The following ADAM9 variants were observed in gnomAD, a reference collection of about 807,000 sequenced individuals.
The protein encoded by ADAM9 is ADAM metallopeptidase domain 9, also known as disintegrin and metalloproteinase domain-containing protein 9.
ADAM9 carries 54 observed loss-of-function variants against 108.1 expected under a neutral mutation model. The ratio of observed to expected loss-of-function variants is 0.50; its 90% CI spans 0.40 to 0.63. The LOEUF is 0.63. ADAM9 is among the 20% of genes least tolerant of loss of function. The pLI, the probability that ADAM9 is intolerant of heterozygous loss-of-function variation, is 0.00. For missense variants in ADAM9, 830 were observed against 997.7 expected, an observed-to-expected ratio of 0.83 and a Z score of 2.26; for synonymous variants, 316 against 336.0, an observed-to-expected ratio of 0.94 and a Z score of 0.65.
chr8:39,089,780 T>TTGG (rs1412437579), intron 18 of ADAM9: 11 of 432,994 alleles, frequency 2.5e-5, no homozygotes, highest in East Asian at 9.9e-5. Flanking sequence ...TAAGAAAGTG[T>TTGG]TGACAGTAGA....
intron 20 of ADAM9, among the ~76,000 whole-genome samples, chr8:39,091,925 T>G (rs868200533): frequency 5.8e-4 from 88 of 152,190 alleles, no homozygotes; most frequent in African/African-American, 2.1e-3. Context: ...TGCTTTTTTC[T>G]GTGTCTGCTC....
chr8:39,083,315 A>G (rs917095387), intron 18 of ADAM9, among the ~76,000 whole-genome samples: 2 of 152,088 alleles, frequency 1.3e-5, no homozygotes, highest in African/African-American at 4.8e-5. Context: ...GCTTCCTATA[A>G]TCCATGTTTC....
chr8:39,079,965 A>G (rs1367543206), intron 16 of ADAM9, among the ~76,000 whole-genome samples: 1 of 152,218 alleles, frequency 6.6e-6, no homozygotes, highest in African/African-American at 2.4e-5. Context: ...TTTGTATCTC[A>G]GTATAATATG....
intron 1 of ADAM9, among the ~76,000 whole-genome samples, chr8:38,999,786 C>A (rs1204204681): frequency 6.6e-6 from 1 of 152,226 alleles, no homozygotes; most frequent in African/African-American, 2.4e-5. Context: ...TGTAAAAAAT[C>A]TGGGTTTATA....
At chr8:39,089,808 A>G (rs933900371) in intron 18 of ADAM9, 2 of 494,658 alleles carry the variant, frequency 4.0e-6, no homozygotes, top group African/African-American at 3.9e-5. Flanking sequence ...TTTGTTCTTG[A>G]TTGTTTGCTC....
intron 2 of ADAM9, among the ~76,000 whole-genome samples, chr8:39,010,018 G>A (rs1836305150): frequency 6.7e-6 from 1 of 148,444 alleles, no homozygotes. Context: ...TAAGTGCTAT[G>A]GAGAAAATTA....
At chr8:39,027,226 C>T (rs1202011662) in intron 11 of ADAM9, among the ~76,000 whole-genome samples, 3 of 152,154 alleles carry the variant, frequency 2.0e-5, no homozygotes, top group Non-Finnish European at 4.4e-5. Flanking sequence ...CACTGAAGGA[C>T]TGCATAAGAA....
At chr8:39,015,813 A>C (rs1220252425) in intron 4 of ADAM9, 1 of 259,736 alleles carries the variant, frequency 3.9e-6, no homozygotes, top group Non-Finnish European at 7.5e-6. Flanking sequence ...GTGATTTAAA[A>C]TGTTAAAGAT....
intron 20 of ADAM9, among the ~76,000 whole-genome samples, chr8:39,091,788 C>G (rs576802945): frequency 6.6e-6 from 1 of 152,104 alleles, no homozygotes; most frequent in Non-Finnish European, 1.5e-5. Flanking sequence ...TGCCCTGCCC[C>G]CTGAGTTCTT....
chr8:39,021,688 AT>A lies in ADAM9; in HGVS notation c.720del (p.Leu241SerfsTer13). 1 of 1,614,032 alleles carries A rather than the reference AT, an allele frequency of 6.2e-7. No individual in the cohort carries two copies. The highest frequency in any genetic ancestry group is 8.5e-7 in the Non-Finnish European group (1 of 1,179,886). The stretch of plus-strand genomic sequence containing the variant: ...TCAGACTGCTGTGAGAGAAGAGATG[AT>A]TCTCCTGGCAAACTACTTGGATAGT... ...RNQTAVREEM[I>X]LLANYLDSMY... is the part of the protein sequence containing the mutation. On this transcript the variant is annotated frameshift_variant, in exon 8 of 22. Coordinates refer to ENST00000487273, the MANE Select transcript of ADAM9 (RefSeq NM_003816.3). LOFTEE classifies it high-confidence loss of function.
At chr8:39,050,448 A>G (rs1219062794) in intron 12 of ADAM9, among the ~76,000 whole-genome samples, 3 of 115,210 alleles carry the variant, frequency 2.6e-5, no homozygotes, top group Non-Finnish European at 5.3e-5. Context: ...CTTCACTTAT[A>G]TTTCTTTTTT....
intron 20 of ADAM9, among the ~76,000 whole-genome samples, chr8:39,095,924 T>G (rs1839489316): frequency 6.6e-6 from 1 of 152,202 alleles, no homozygotes; most frequent in African/African-American, 2.4e-5. Flanking sequence ...TTGTCTGATG[T>G]AAGTATTGCT....
chr8:39,002,548 C>T (rs186401478), intron 1 of ADAM9, among the ~76,000 whole-genome samples: 1,616 of 151,830 alleles, frequency 0.011, 10 homozygotes, highest in Middle Eastern at 0.027. Context: ...GTCTGGAATT[C>T]CTGACCTCGT....
Position 39,014,028 on chromosome 8 carries a change from C to T in ADAM9, c.318C>T (p.Asp106=), listed in dbSNP as rs747513455. ...ACAAGGAAGGGACTTTAATCACTGA[C>T]CATCCCAATATACAGGTAATGTATT... The part of the protein sequence containing the change: ...TYNKEGTLIT[D]HPNIQNHCHY... Residue 106 remains aspartate (D), a synonymous_variant, in exon 4 of 22, where the codon GAC becomes GAT. Transcript: ENST00000487273. 8 of 1,612,644 alleles carry T rather than the reference C, an allele frequency of 5.0e-6. No homozygotes were observed. The highest frequency in any genetic ancestry group is 6.8e-6 in the Non-Finnish European group (8 of 1,178,790).
intron 11 of ADAM9, among the ~76,000 whole-genome samples, chr8:39,036,702 T>A (rs1380219359): frequency 1.3e-5 from 2 of 152,198 alleles, no homozygotes; most frequent in African/African-American, 2.4e-5. Flanking sequence ...CAGCCAGTGA[T>A]GGCTAGTGGA....
At chr8:39,031,367 G>A (rs941231563) in intron 11 of ADAM9, among the ~76,000 whole-genome samples, 1 of 152,152 alleles carries the variant, frequency 6.6e-6, no homozygotes, top group Non-Finnish European at 1.5e-5. Context: ...TCAGTTAGCT[G>A]TATTTATGTA....
Position 39,005,512 on chromosome 8 carries a change from T to C in ADAM9, c.98-2374T>C, listed in dbSNP as rs902555975. 4.6e-5 allele frequency among the ~76,000 whole-genome samples: 7 copies of C among 152,232 alleles called. No homozygotes were observed. The East Asian group carries it at 5.8e-4, about 13-fold the overall frequency. Reference sequence around the variant, plus strand: ...GGCAATTGTTGGAACCCAGCTGATATAGGGTCACTAACTGATTCCAATATA... The same window carrying C: ...GGCAATTGTTGGAACCCAGCTGATACAGGGTCACTAACTGATTCCAATATA... On this transcript the variant is annotated intron_variant, in intron 1 of 21. Coordinates refer to ENST00000487273, the MANE Select transcript of ADAM9 (RefSeq NM_003816.3).
intron 14 of ADAM9, among the ~76,000 whole-genome samples, chr8:39,064,673 C>T (rs900213698): frequency 3.3e-5 from 5 of 152,164 alleles, no homozygotes; most frequent in Non-Finnish European, 7.4e-5. Flanking sequence ...GTTTGCATTT[C>T]CCATATTACC....
intron 14 of ADAM9, among the ~76,000 whole-genome samples, chr8:39,056,059 TCTG>T (rs1396083537): frequency 1.3e-5 from 2 of 152,130 alleles, no homozygotes; most frequent in African/African-American, 4.8e-5. Context: ...TGCACAAGGA[TCTG>T]CTATTTGCAT....
Sources: allele counts gnomAD v4.1 joint callset (sites outside exome capture counted in the v4.1 genomes callset), GRCh38; gene constraint gnomAD v4.1.1; transcripts MANE v1.5; gene names NCBI Gene and HGNC (gene_info 2026-07-23, HGNC 2026-07-21).